Variants in GRIA3 observed in about 807,000 individuals in gnomAD.
The protein encoded by GRIA3 is glutamate ionotropic receptor AMPA type subunit 3.
A neutral mutation model predicts 63.0 loss-of-function variants in GRIA3; 3 were observed. The ratio of observed to expected loss-of-function variants is 0.05; its 90% CI spans 0.02 to 0.12. The LOEUF is 0.12. Among genes scored for constraint, GRIA3 ranks in the 10% least tolerant of loss-of-function variants. The pLI, the probability that GRIA3 is intolerant of heterozygous loss-of-function variation, is 1.00. For synonymous variants in GRIA3, 274 were observed against 257.9 expected, an observed-to-expected ratio of 1.06 and a Z score of -0.60; for missense variants, 347 against 700.9, an observed-to-expected ratio of 0.50 and a Z score of 5.70.
chrX:123,365,018 G>A (rs751319358), intron 5 of GRIA3, among the ~76,000 whole-genome samples: 17 of 111,957 alleles, frequency 1.5e-4, no homozygotes, highest in Non-Finnish European at 2.6e-4. Context: ...GTTTCAGACA[G>A]GCAGTAGGAA....
chrX:123,185,202 G>T (rs1316327270), intron 1 of GRIA3, among the ~76,000 whole-genome samples: 1 of 111,764 alleles, frequency 8.9e-6, no homozygotes, highest in Admixed American at 9.4e-5. Context: ...AGGAGGCGGG[G>T]GTGAGACTAG....
chrX:123,433,528 A>G (rs1459032289), intron 12 of GRIA3, among the ~76,000 whole-genome samples: 1 of 112,219 alleles, frequency 8.9e-6, no homozygotes, highest in Non-Finnish European at 1.9e-5. Context: ...ATTAGTTTTG[A>G]TCAGTTAGCT....
intron 3 of GRIA3, among the ~76,000 whole-genome samples, chrX:123,281,571 G>C (rs2044586080): frequency 8.9e-6 from 1 of 111,784 alleles, no homozygotes; most frequent in South Asian, 3.8e-4. Context: ...TGATTCCTGA[G>C]ATTAAACAAG....
chrX:123,196,608 C>T (rs1280455550), intron 2 of GRIA3, among the ~76,000 whole-genome samples: 1 of 111,527 alleles, frequency 9.0e-6, no homozygotes, highest in Non-Finnish European at 1.9e-5. Flanking sequence ...GTCCACAGGA[C>T]AATTTACAAA....
chrX:123,393,601 T>C (rs993858608), intron 5 of GRIA3, among the ~76,000 whole-genome samples: 8 of 112,221 alleles, frequency 7.1e-5, no homozygotes, highest in African/African-American at 2.6e-4. Flanking sequence ...GCTGAAATCT[T>C]TAAGGGTGAA....
At chrX:123,255,383 C>G (rs2044413891) in intron 3 of GRIA3, among the ~76,000 whole-genome samples, 1 of 111,029 alleles carries the variant, frequency 9.0e-6, no homozygotes, top group African/African-American at 3.3e-5. Flanking sequence ...TCATAATTTG[C>G]CAAATTTTAA....
intron 12 of GRIA3, among the ~76,000 whole-genome samples, chrX:123,442,565 G>A (rs2045680767): frequency 9.0e-6 from 1 of 111,333 alleles, no homozygotes; most frequent in Non-Finnish European, 1.9e-5. Context: ...TCAAGAATAG[G>A]CCACTTATCA....
intron 2 of GRIA3, among the ~76,000 whole-genome samples, chrX:123,218,072 G>A (rs5911551): frequency 0.21 from 23,626 of 112,024 alleles, 1,963 homozygotes; most frequent in East Asian, 0.38. Context: ...CAAAAATTGT[G>A]TGCTTAAAAG....
intron 12 of GRIA3, among the ~76,000 whole-genome samples, chrX:123,447,307 C>T (rs1221468795): frequency 9.0e-6 from 1 of 111,689 alleles, no homozygotes; most frequent in African/African-American, 3.3e-5. Context: ...AAAAACACAA[C>T]AAACAAAAAA....
chrX:123,483,706 G>A (rs755915603), intron 15 of GRIA3, among the ~76,000 whole-genome samples: 10 of 112,448 alleles, frequency 8.9e-5, no homozygotes, highest in Non-Finnish European at 1.9e-4. Context: ...GCTGAGGCGG[G>A]TGGATCACGC....
chrX:123,482,780 C>G lies in GRIA3; in HGVS notation c.2440-19C>G. The G allele has an allele frequency of 8.3e-7, 1 of 1,208,817 alleles. No homozygotes were observed. The highest frequency in any genetic ancestry group is 1.1e-6 in the Non-Finnish European group (1 of 892,743). ...CTTTGTTTTCCCCAAGATCTAATCA[C>G]GTTGTTCATTTCTCTTAGGACAAGA... On this transcript the variant is annotated intron_variant, in intron 14 of 15. Transcript: ENST00000620443.
intron 3 of GRIA3, among the ~76,000 whole-genome samples, chrX:123,281,524 T>C (rs995627659): frequency 2.7e-5 from 3 of 111,997 alleles, no homozygotes; most frequent in Non-Finnish European, 3.8e-5. Context: ...TTTTATGAAG[T>C]TGGTACTGCA....
intron 12 of GRIA3, among the ~76,000 whole-genome samples, chrX:123,462,793 C>A (rs184481234): frequency 1.8e-5 from 2 of 111,768 alleles, no homozygotes; most frequent in Non-Finnish European, 1.9e-5. Flanking sequence ...GGAAACCCCA[C>A]AAAAAGACAT....
chrX:123,367,260 C>T (rs2045216253), intron 5 of GRIA3, among the ~76,000 whole-genome samples: 1 of 111,353 alleles, frequency 9.0e-6, no homozygotes, highest in African/African-American at 3.3e-5. Context: ...TCTACTGAAA[C>T]ACATTTTGTT....
intron 11 of GRIA3, among the ~76,000 whole-genome samples, chrX:123,423,334 T>C (rs2045572608): frequency 8.9e-6 from 1 of 111,864 alleles, no homozygotes; most frequent in Non-Finnish European, 1.9e-5. Context: ...TGCAGAATAA[T>C]AAAAGACATG....
chrX:123,419,375 C>T (rs1312741441), intron 11 of GRIA3, among the ~76,000 whole-genome samples: 1 of 105,028 alleles, frequency 9.5e-6, no homozygotes, highest in Non-Finnish European at 1.9e-5. Flanking sequence ...CGCCATTGCA[C>T]TCCAGCCTGG....
At chrX:123,248,029 G>A (rs755922081) in intron 2 of GRIA3, among the ~76,000 whole-genome samples, 1 of 112,255 alleles carries the variant, frequency 8.9e-6, no homozygotes, top group South Asian at 3.8e-4. Flanking sequence ...CATAGTAGAC[G>A]CTCAAAAAAT....
chrX:123,307,473 A>G lies in GRIA3; in HGVS notation c.509-18553A>G, dbSNP rs142049055. On this transcript the variant is annotated intron_variant, in intron 3 of 15. Transcript: ENST00000620443. ...TTCAGGGAATGTATTCTTTGGGAAC[A>G]ATCACTGGAGGCAAAACTTTGGGAG... is the stretch of plus-strand genomic sequence containing the variant. Among the ~76,000 whole-genome samples, 114 of 112,143 alleles carry G rather than the reference A, an allele frequency of 1.0e-3. 1 individual carries two copies. Among genetic ancestry groups the G allele is most frequent in the Non-Finnish European group, 2.0e-3 (109 of 53,226 alleles).
intron 3 of GRIA3, among the ~76,000 whole-genome samples, chrX:123,301,558 CA>C (rs1310414990): frequency 3.6e-5 from 4 of 111,277 alleles, no homozygotes; most frequent in Non-Finnish European, 7.6e-5. Context: ...GAGCAATGCC[CA>C]TCACATAGTA....
Sources: allele counts gnomAD v4.1 joint callset (sites outside exome capture counted in the v4.1 genomes callset), GRCh38; gene constraint gnomAD v4.1.1; transcripts MANE v1.5; gene names NCBI Gene and HGNC (gene_info 2026-07-23, HGNC 2026-07-21).